DIP2B: variants seen among roughly 807,000 people sequenced by gnomAD.
The protein encoded by DIP2B is disco-interacting protein 2 homolog B.
A neutral mutation model predicts 198.0 loss-of-function variants in DIP2B; 76 were observed. That is an observed-to-expected ratio of 0.38 (90% CI 0.32 to 0.46). The LOEUF (loss-of-function observed/expected upper bound fraction) is 0.46, where lower values mean the gene tolerates loss of function less well. DIP2B is among the 20% of genes least tolerant of loss of function. The pLI, the probability that DIP2B is intolerant of heterozygous loss-of-function variation, is 0.99. For missense variants in DIP2B, 1,559 were observed against 1,978.4 expected, an observed-to-expected ratio of 0.79 and a Z score of 4.02; for synonymous variants, 701 against 739.1, an observed-to-expected ratio of 0.95 and a Z score of 0.84.
intron 1 of DIP2B, among the ~76,000 whole-genome samples, chr12:50,519,738 A>G (rs746920666): frequency 1.2e-4 from 19 of 152,102 alleles, no homozygotes; most frequent in South Asian, 1.2e-3. Flanking sequence ...TGTTTAATGT[A>G]AAAATTAATG....
intron 1 of DIP2B, among the ~76,000 whole-genome samples, chr12:50,618,212 G>T (rs1227018006): frequency 6.6e-6 from 1 of 152,186 alleles, no homozygotes; most frequent in African/African-American, 2.4e-5. Flanking sequence ...TAGATTGGTG[G>T]TGGTGTTATA....
chr12:50,526,707 G>A (rs926601836), intron 1 of DIP2B, among the ~76,000 whole-genome samples: 1 of 45,124 alleles, frequency 2.2e-5, no homozygotes, highest in African/African-American at 8.8e-5. Context: ...CGCGATCTCG[G>A]CTCACTGCAA....
At chr12:50,577,582 A>G (rs1204118598) in intron 1 of DIP2B, among the ~76,000 whole-genome samples, 1 of 151,418 alleles carries the variant, frequency 6.6e-6, no homozygotes, top group Non-Finnish European at 1.5e-5. Context: ...TAAAATATTT[A>G]TCCTAAATAA....
In DIP2B at chr12:50,664,026, G is replaced by A. The variant is rs376263306; in HGVS notation, c.427+3707G>A. 2.6e-5 allele frequency among the ~76,000 whole-genome samples: 4 copies of A among 152,158 alleles called. No homozygotes were observed. The East Asian group carries it at 7.7e-4, about 29-fold the overall frequency. ...GCATACATCATAAAGCACATCTTGG[G>A]TCAAGGCTGTCACTCTGCACTTGCT... On this transcript the variant is annotated intron_variant, in intron 4 of 37. Coordinates refer to ENST00000301180, the MANE Select transcript of DIP2B (RefSeq NM_173602.3).
rs140319338 is a variant in DIP2B, at chr12:50,622,995, A to C, written c.101-2981A>C. Among the ~76,000 whole-genome samples, 697 of 152,010 alleles carry C rather than the reference A, an allele frequency of 4.6e-3. 8 individuals are homozygous for C. Among genetic ancestry groups the C allele is most frequent in the African/African-American group, 0.016 (658 of 41,444 alleles). The stretch of plus-strand genomic sequence containing the variant: ...AATATACTGTGTAAACCACCTTGTT[A>C]GCAAATATACACCTATGGACCGTTC... On this transcript the variant is annotated intron_variant, in intron 1 of 37. Coordinates refer to ENST00000301180, the MANE Select transcript of DIP2B (RefSeq NM_173602.3).
chr12:50,681,097 C>G (rs1939032532), intron 9 of DIP2B, among the ~76,000 whole-genome samples: 1 of 152,152 alleles, frequency 6.6e-6, no homozygotes, highest in South Asian at 2.1e-4. Flanking sequence ...AACTTACTCT[C>G]TGATTTTTTT....
intron 1 of DIP2B, among the ~76,000 whole-genome samples, chr12:50,532,068 G>A: frequency 6.6e-6 from 1 of 152,196 alleles, no homozygotes; most frequent in East Asian, 1.9e-4. Context: ...TGCTGCTGGA[G>A]TGATCATTCA....
intron 1 of DIP2B, among the ~76,000 whole-genome samples, chr12:50,610,709 T>C (rs916572535): frequency 5.3e-5 from 8 of 152,108 alleles, no homozygotes; most frequent in Admixed American, 3.3e-4. Flanking sequence ...GGTTTCACCA[T>C]GTTAGCCAGG....
chr12:50,571,768 G>A (rs919162231), intron 1 of DIP2B, among the ~76,000 whole-genome samples: 27 of 151,892 alleles, frequency 1.8e-4, no homozygotes, highest in African/African-American at 5.8e-4. Flanking sequence ...TAGCCAGGAT[G>A]GTCTCGATCT....
At chr12:50,516,358 G>T (rs1439671332) in intron 1 of DIP2B, among the ~76,000 whole-genome samples, 1 of 151,930 alleles carries the variant, frequency 6.6e-6, no homozygotes, top group Non-Finnish European at 1.5e-5. Flanking sequence ...GGGCTTAAGC[G>T]ATCCTCCCAC....
At chr12:50,621,367 G>A (rs149633667) in intron 1 of DIP2B, among the ~76,000 whole-genome samples, 14 of 152,250 alleles carry the variant, frequency 9.2e-5, no homozygotes, top group African/African-American at 2.4e-4. Context: ...GTCAAGTTTC[G>A]GTAAACTTCT....
chr12:50,510,564 A>G (rs1482335668), intron 1 of DIP2B, among the ~76,000 whole-genome samples: 2 of 152,006 alleles, frequency 1.3e-5, no homozygotes, highest in African/African-American at 4.8e-5. Flanking sequence ...CATGTGACTA[A>G]TTCAGGGATA....
intron 1 of DIP2B, among the ~76,000 whole-genome samples, chr12:50,509,273 A>G (rs1406452702): frequency 6.6e-6 from 1 of 152,220 alleles, no homozygotes; most frequent in Non-Finnish European, 1.5e-5. Flanking sequence ...ATAGAAGAGA[A>G]TTATAAATAC....
chr12:50,606,746 T>A (rs188680561), intron 1 of DIP2B, among the ~76,000 whole-genome samples: 16 of 152,262 alleles, frequency 1.1e-4, no homozygotes, highest in Admixed American at 7.2e-4. Context: ...TCGTCCCACT[T>A]CAGCCTCTTG....
intron 1 of DIP2B, among the ~76,000 whole-genome samples, chr12:50,540,993 G>T (rs1565818110): frequency 6.6e-6 from 1 of 152,056 alleles, no homozygotes; most frequent in Admixed American, 6.6e-5. Context: ...ACGTCTTTGT[G>T]TTTTCCATAG....
rs190347761 is a variant in DIP2B at position 50,522,480 on chromosome 12, C to G, written c.100+17240C>G. Among the ~76,000 whole-genome samples the G allele has an allele frequency of 2.0e-5, 3 of 152,256 alleles. No individual in the cohort carries two copies. The East Asian group carries it at 5.8e-4, about 29-fold the overall frequency. ...GCGCACACATACATACACACACTCA[C>G]TTAGACTGGGACAATTAAATGTGCC... On this transcript the variant is annotated intron_variant, in intron 1 of 37. Transcript: ENST00000301180.
chr12:50,522,887 T>C (rs886591149), intron 1 of DIP2B, among the ~76,000 whole-genome samples: 5 of 152,206 alleles, frequency 3.3e-5, no homozygotes, highest in Admixed American at 1.3e-4. Context: ...CATTATTTGA[T>C]GTCACTGGGA....
chr12:50,572,139 A>G (rs532080663), intron 1 of DIP2B, among the ~76,000 whole-genome samples: 3 of 152,156 alleles, frequency 2.0e-5, no homozygotes, highest in South Asian at 2.1e-4. Context: ...ATGAAGCACA[A>G]CTTTAAAAAA....
chr12:50,731,374 A>G lies in DIP2B; in HGVS notation c.3647A>G (p.Tyr1216Cys). Residue 1216 changes from tyrosine to cysteine, a missense_variant, in exon 31 of 38, where the codon TAT (tyrosine) becomes TGT (cysteine). Transcript: ENST00000301180. ...GFALWCLCSV[Y>C]SGHQSVLIPP... ...TCTTGTCTCTTTCACTGCAGTGTCT[A>G]TTCAGGCCACCAGTCTGTCTTAATT... is the stretch of plus-strand genomic sequence containing the variant. 3.7e-6 allele frequency: 6 copies of G among 1,613,648 alleles called. No individual in the cohort carries two copies. The highest frequency in any genetic ancestry group is 5.1e-6 in the Non-Finnish European group (6 of 1,179,734).
Sources: allele counts gnomAD v4.1 joint callset (sites outside exome capture counted in the v4.1 genomes callset), GRCh38; gene constraint gnomAD v4.1.1; transcripts MANE v1.5; gene names NCBI Gene and HGNC (gene_info 2026-07-23, HGNC 2026-07-21).